The following CTNND2 variants were observed in gnomAD, a reference collection of about 807,000 sequenced individuals.
CTNND2 encodes catenin delta-2.
A neutral mutation model predicts 144.4 loss-of-function variants in CTNND2; 22 were observed. The observed-to-expected ratio is 0.15, with a 90% confidence interval of 0.11 to 0.22. CTNND2 has a LOEUF of 0.22. CTNND2 is among the 10% of genes least tolerant of loss of function. CTNND2 has a pLI of 1.00. For synonymous variants in CTNND2, 751 were observed against 695.6 expected (o/e 1.08, Z -1.25); for missense variants, 1,353 against 1,618.8 (o/e 0.84, Z 2.82).
chr5:11,091,955 T>A (rs915234508), intron 15 of CTNND2, among the ~76,000 whole-genome samples: 19 of 152,186 alleles, frequency 1.2e-4, no homozygotes, highest in Admixed American at 2.6e-4. Context: ...TCTCTCCTCT[T>A]TGATATTTTG....
At chr5:11,788,588 T>G (rs1403097147) in intron 1 of CTNND2, among the ~76,000 whole-genome samples, 1 of 152,204 alleles carries the variant, frequency 6.6e-6, no homozygotes, top group Non-Finnish European at 1.5e-5. Flanking sequence ...CTATTTCTAG[T>G]TATATCATTG....
At chr5:11,604,557 G>C (rs982768372) in intron 2 of CTNND2, among the ~76,000 whole-genome samples, 1 of 152,170 alleles carries the variant, frequency 6.6e-6, no homozygotes, top group African/African-American at 2.4e-5. Flanking sequence ...CCCAAGCTTT[G>C]CAAGTCCCCT....
rs2149986404 is a variant in CTNND2, at chr5:11,487,060, T to C, written c.288-74991A>G. On this transcript the variant is annotated intron_variant, in intron 3 of 21. Transcript: ENST00000304623. The stretch of plus-strand genomic sequence containing the variant: ...CACTGAAAATACAAAATGAGTTACA[T>C]ATTTTTTATTCACTTTTGTATTGGT... Among the ~76,000 whole-genome samples, 3 of 152,330 alleles carry C rather than the reference T, an allele frequency of 2.0e-5. No individual in the cohort carries two copies. In the South Asian group the frequency reaches 6.2e-4, roughly 32 times the overall value.
intron 10 of CTNND2, among the ~76,000 whole-genome samples, chr5:11,221,267 A>AT (rs1455167072): frequency 6.6e-6 from 1 of 152,228 alleles, no homozygotes; most frequent in Non-Finnish European, 1.5e-5. Flanking sequence ...AGAAATTTGC[A>AT]TACATTTAAA....
intron 1 of CTNND2, among the ~76,000 whole-genome samples, chr5:11,782,484 A>G (rs1307891399): frequency 6.6e-6 from 1 of 152,228 alleles, no homozygotes; most frequent in East Asian, 1.9e-4. Flanking sequence ...AAAAGGACCT[A>G]TTATGTAAAT....
chr5:11,536,210 C>T (rs775735578), intron 3 of CTNND2, among the ~76,000 whole-genome samples: 4 of 152,036 alleles, frequency 2.6e-5, no homozygotes, highest in Admixed American at 2.0e-4. Flanking sequence ...ACTATAAGCT[C>T]GGCCACCACA....
At chr5:11,312,331 T>C (rs535600144) in intron 9 of CTNND2, among the ~76,000 whole-genome samples, 2 of 149,552 alleles carry the variant, frequency 1.3e-5, no homozygotes, top group South Asian at 2.1e-4. Flanking sequence ...GATAAAGACA[T>C]ACCCAAGACT....
chr5:11,669,230 T>C (rs552027874), intron 2 of CTNND2, among the ~76,000 whole-genome samples: 1 of 152,298 alleles, frequency 6.6e-6, no homozygotes, highest in South Asian at 2.1e-4. Flanking sequence ...ATTTTCTTTT[T>C]TGGTGTGTCT....
chr5:11,885,025 T>C (rs370020828), intron 1 of CTNND2, among the ~76,000 whole-genome samples: 3 of 152,308 alleles, frequency 2.0e-5, no homozygotes, highest in East Asian at 3.9e-4. Flanking sequence ...TCATGGCGTA[T>C]AAAAGCACTT....
chr5:11,809,659 C>G (rs1474571600), intron 1 of CTNND2, among the ~76,000 whole-genome samples: 1 of 152,152 alleles, frequency 6.6e-6, no homozygotes, highest in Non-Finnish European at 1.5e-5. Context: ...CAGGCATAAA[C>G]AAGGGAACAG....
In CTNND2 at chr5:10,973,842, G is replaced by A. The variant is rs1736107665; in HGVS notation, c.3418-129C>T. 2 of 1,056,436 alleles carry A rather than the reference G, an allele frequency of 1.9e-6. No homozygotes were observed. The highest frequency in any genetic ancestry group is 2.0e-5 in the South Asian group (1 of 50,964). 65.4% of individuals were successfully genotyped at this position (1,056,436 alleles called of 1,614,324 possible). A position where few individuals can be genotyped will look rare whatever the true frequency, so the allele number is the denominator to read the frequency against. ...TCCAGGCATTCACCACTGTGGCCCT[G>A]CTTCTCCAAAACTGCCAACTGTCAT... is the stretch of plus-strand genomic sequence containing the variant. On this transcript the variant is annotated intron_variant, in intron 21 of 21. Coordinates refer to ENST00000304623, the MANE Select transcript of CTNND2 (RefSeq NM_001332.4). The surrounding 1 kb of genome is among the most constrained non-coding windows in gnomAD (Gnocchi z 5.6).
At position 11,480,646 on chromosome 5, in the gene CTNND2, A is replaced by ATGTGTGTGTGTGTGTGTG. The variant is rs58951106; in HGVS notation, c.288-68595_288-68578dup. On this transcript the variant is annotated intron_variant, in intron 3 of 21. Coordinates refer to ENST00000304623, the MANE Select transcript of CTNND2 (RefSeq NM_001332.4). ...TGTTCTATGATTTGAAAATACATAT[A>ATGTGTGTGTGTGTGTGTG]TGTGTGTGTGTGTGTGTGTGTGTGT... Among the ~76,000 whole-genome samples, 219 of 149,138 alleles carry ATGTGTGTGTGTGTGTGTG rather than the reference A, an allele frequency of 1.5e-3. 2 individuals are homozygous for ATGTGTGTGTGTGTGTGTG. The highest frequency in any genetic ancestry group is 5.2e-3 in the African/African-American group (212 of 40,500).
chr5:11,348,437 C>CAAAAAAAAAAA (rs3034056), intron 8 of CTNND2, among the ~76,000 whole-genome samples: 1 of 114,720 alleles, frequency 8.7e-6, no homozygotes, highest in Non-Finnish European at 1.8e-5. Flanking sequence ...AAATCAAGGG[C>CAAAAAAAAAAA]AAAAAAAAAA....
At chr5:11,689,622 A>C (rs1784806166) in intron 2 of CTNND2, among the ~76,000 whole-genome samples, 1 of 152,190 alleles carries the variant, frequency 6.6e-6, no homozygotes, top group African/African-American at 2.4e-5. Context: ...AGTTTCATGA[A>C]GCTAATAATC....
intron 2 of CTNND2, among the ~76,000 whole-genome samples, chr5:11,718,291 T>C (rs1786468077): frequency 1.3e-5 from 2 of 152,158 alleles, no homozygotes; most frequent in Non-Finnish European, 2.9e-5. Flanking sequence ...ATGAGGACTA[T>C]CTAGAGTCTC....
intron 10 of CTNND2, among the ~76,000 whole-genome samples, chr5:11,206,199 G>A (rs1738026310): frequency 6.6e-6 from 1 of 152,130 alleles, no homozygotes; most frequent in African/African-American, 2.4e-5. Flanking sequence ...CTGGATTTAG[G>A]ATGTACGGTA....
chr5:11,788,744 A>G (rs565129992), intron 1 of CTNND2, among the ~76,000 whole-genome samples: 1 of 152,134 alleles, frequency 6.6e-6, no homozygotes, highest in Non-Finnish European at 1.5e-5. Context: ...TTTGTTACAT[A>G]TGTATACATG....
intron 10 of CTNND2, among the ~76,000 whole-genome samples, chr5:11,232,224 C>T (rs1397094770): frequency 6.6e-6 from 1 of 152,250 alleles, no homozygotes; most frequent in Non-Finnish European, 1.5e-5. Context: ...CACACAGAGT[C>T]CCCACTGGGG....
chr5:11,477,327 T>C (rs1275142863), intron 3 of CTNND2, among the ~76,000 whole-genome samples: 3 of 152,180 alleles, frequency 2.0e-5, no homozygotes, highest in Non-Finnish European at 4.4e-5. Context: ...AGCAGACATA[T>C]ACCTGTTAGG....
Sources: allele counts gnomAD v4.1 joint callset (sites outside exome capture counted in the v4.1 genomes callset), GRCh38; gene constraint gnomAD v4.1.1; non-coding constraint Gnocchi (gnomAD v3.1); transcripts MANE v1.5; gene names NCBI Gene and HGNC (gene_info 2026-07-23, HGNC 2026-07-21).